The following NEDD1 variants were observed in gnomAD, a reference collection of about 807,000 sequenced individuals.
NEDD1 encodes the protein protein NEDD1.
Under a neutral mutation model 74.0 loss-of-function variants are expected in NEDD1, and 33 were observed. The ratio of observed to expected loss-of-function variants is 0.45; its 90% CI spans 0.34 to 0.60. The LOEUF (loss-of-function observed/expected upper bound fraction) is 0.60. NEDD1 is among the 20% of genes least tolerant of loss of function. The pLI, the probability that NEDD1 is intolerant of heterozygous loss-of-function variation, is 0.01. For synonymous variants in NEDD1, 250 were observed against 264.4 expected (o/e 0.95, Z 0.53); for missense variants, 746 against 776.5 (o/e 0.96, Z 0.47).
At chr12:96,908,159 C>G (rs1873524082) in intron 2 of NEDD1, among the ~76,000 whole-genome samples, 1 of 152,174 alleles carries the variant, frequency 6.6e-6, no homozygotes, top group Admixed American at 6.5e-5. Flanking sequence ...GGCTCCAAAT[C>G]CAAACATTGT....
At chr12:96,916,467 C>A (rs1426352566) in intron 4 of NEDD1, among the ~76,000 whole-genome samples, 2 of 124,056 alleles carry the variant, frequency 1.6e-5, no homozygotes, top group African/African-American at 6.2e-5. Context: ...CATGTGATCT[C>A]ATTGTTCAAT....
intron 4 of NEDD1, 23 bp from the exon 5 acceptor site, chr12:96,917,598 C>CT (rs11333833): frequency 9.8e-3 from 13,147 of 1,339,728 alleles, no homozygotes; most frequent in South Asian, 0.026. Flanking sequence ...ATTAAGGTAA[C>CT]TTTTTTTTTT....
intron 3 of NEDD1, among the ~76,000 whole-genome samples, chr12:96,911,758 A>C (rs776147226): frequency 4.6e-5 from 7 of 152,104 alleles, no homozygotes; most frequent in Non-Finnish European, 1.0e-4. Flanking sequence ...TTTTCTCGCT[A>C]TGGTAATATC....
At position 96,940,093 on chromosome 12, in the gene NEDD1, A is replaced by G. The variant is rs180797463; in HGVS notation, c.1118-316A>G. ...GTACTTTAAGAGAGCAGCAAAGTAT[A>G]TAAATTATTTTAGAAAAATTCCAAC... is the stretch of plus-strand genomic sequence containing the variant. On this transcript the variant is annotated intron_variant, in intron 9 of 15. Coordinates refer to ENST00000266742, the MANE Select transcript of NEDD1 (RefSeq NM_152905.4). Among the ~76,000 whole-genome samples, 26 of 152,216 alleles carry G rather than the reference A, an allele frequency of 1.7e-4. No individual in the cohort carries two copies. The East Asian group carries it at 4.6e-3, about 27-fold the overall frequency.
rs1317849282 is a variant in NEDD1 at position 96,944,509 on chromosome 12, TC to T, written c.1498-129del. On this transcript the variant is annotated intron_variant, in intron 12 of 15. Coordinates refer to ENST00000266742, the MANE Select transcript of NEDD1 (RefSeq NM_152905.4). ...CTCTTTTTCTTTTTCTTCTTCTATATCTCTTCCTATTTTCCTTCATTTCTAT... is the reference window on the plus strand; with the variant it reads ...CTCTTTTTCTTTTTCTTCTTCTATATTCTTCCTATTTTCCTTCATTTCTAT... The T allele has an allele frequency of 3.4e-5, 17 of 502,848 alleles. No homozygotes were observed. The East Asian group carries it at 5.5e-4, about 16-fold the overall frequency. 31.1% of individuals were successfully genotyped at this position (502,848 alleles called of 1,614,324 possible). A position where few individuals can be genotyped will look rare whatever the true frequency, so the allele number is the denominator to read the frequency against.
At position 96,909,749 on chromosome 12, in the gene NEDD1, T is replaced by C. The variant is rs1207616874; in HGVS notation, c.-8-3T>C. 2 of 1,606,552 alleles carry C rather than the reference T, an allele frequency of 1.2e-6. No homozygotes were observed. The highest frequency in any genetic ancestry group is 1.7e-6 in the Non-Finnish European group (2 of 1,175,914). On this transcript the variant is annotated splice_region_variant and splice_polypyrimidine_tract_variant and intron_variant, in intron 2 of 15. Coordinates refer to ENST00000266742, the MANE Select transcript of NEDD1 (RefSeq NM_152905.4). ...AAAATACATTGTTTTAAACTATTTGTAGGCGCAGTCATGCAGGAAAACCTC... is the reference window on the plus strand; with the variant it reads ...AAAATACATTGTTTTAAACTATTTGCAGGCGCAGTCATGCAGGAAAACCTC...
At chr12:96,937,706 A>T (rs568441684) in intron 9 of NEDD1, among the ~76,000 whole-genome samples, 1 of 152,264 alleles carries the variant, frequency 6.6e-6, no homozygotes, top group South Asian at 2.1e-4. Context: ...ATGGCTTTTC[A>T]TTGTGTCTTC....
At chr12:96,924,320 A>G (rs1875454460) in intron 6 of NEDD1, among the ~76,000 whole-genome samples, 1 of 152,192 alleles carries the variant, frequency 6.6e-6, no homozygotes, top group African/African-American at 2.4e-5. Context: ...TTCTAGCTGA[A>G]TTTTAGAATC....
At chr12:96,937,789 G>A (rs886196448) in intron 9 of NEDD1, among the ~76,000 whole-genome samples, 3 of 152,006 alleles carry the variant, frequency 2.0e-5, no homozygotes, top group African/African-American at 7.2e-5. Flanking sequence ...AAATAAATGA[G>A]AATGTTGCAA....
chr12:96,914,745 TTTA>T (rs1874268593), intron 4 of NEDD1, among the ~76,000 whole-genome samples: 1 of 152,230 alleles, frequency 6.6e-6, no homozygotes, highest in Admixed American at 6.5e-5. Flanking sequence ...ATTTCACCTC[TTTA>T]AAGTAGAATG....
At chr12:96,943,028 A>G (rs1484483742) in intron 11 of NEDD1, among the ~76,000 whole-genome samples, 1 of 152,098 alleles carries the variant, frequency 6.6e-6, no homozygotes, top group African/African-American at 2.4e-5. Flanking sequence ...CCCTCTCTTA[A>G]GATTATGTTA....
rs568524969 is a variant in NEDD1 at position 96,919,809 on chromosome 12, G to T, written c.349-176G>T. 3.3e-5 allele frequency among the ~76,000 whole-genome samples: 5 copies of T among 152,084 alleles called. No homozygotes were observed. The South Asian group carries it at 1.0e-3, about 31-fold the overall frequency. ...TACCTGTCCATAATCTCTCTCTCTC[G>T]TAAAGTGCCTGGACCATTTTTATCA... On this transcript the variant is annotated intron_variant, in intron 5 of 15. Transcript: ENST00000266742.
At chr12:96,928,131 GT>G (rs1875913314) in intron 6 of NEDD1, among the ~76,000 whole-genome samples, 2 of 152,002 alleles carry the variant, frequency 1.3e-5, no homozygotes, top group South Asian at 4.1e-4. Flanking sequence ...TTTGAAAGAT[GT>G]TTTCTAACAG....
At chr12:96,928,005 T>C (rs1875900753) in intron 6 of NEDD1, among the ~76,000 whole-genome samples, 1 of 152,200 alleles carries the variant, frequency 6.6e-6, no homozygotes, top group South Asian at 2.1e-4. Context: ...AATATGTTCT[T>C]GAGCAATTTT....
intron 12 of NEDD1, 107 bp downstream of exon 12, chr12:96,943,869 CAT>C (rs1877924349): frequency 1.5e-6 from 1 of 654,124 alleles, no homozygotes; most frequent in East Asian, 2.7e-5. Context: ...TGCACTTATT[CAT>C]AAGTCTTGAT....
intron 3 of NEDD1, among the ~76,000 whole-genome samples, chr12:96,911,411 G>A (rs1249316754): frequency 6.6e-6 from 1 of 152,194 alleles, no homozygotes; most frequent in Non-Finnish European, 1.5e-5. Context: ...ATGAGCAGAT[G>A]TGCACTGAAA....
chr12:96,920,916 G>T (rs1875008939), intron 6 of NEDD1, among the ~76,000 whole-genome samples: 1 of 151,232 alleles, frequency 6.6e-6, no homozygotes, highest in Non-Finnish European at 1.5e-5. Flanking sequence ...AAGCATACAG[G>T]AAAAAGTCTT....
intron 12 of NEDD1, among the ~76,000 whole-genome samples, chr12:96,944,136 AATAT>A (rs1034884932): frequency 6.6e-6 from 1 of 151,606 alleles, no homozygotes; most frequent in Non-Finnish European, 1.5e-5. Flanking sequence ...TTTCTGCTAA[AATAT>A]ATATATATAA....
chr12:96,912,849 A>G (rs979354830), intron 4 of NEDD1, 32 bp downstream of exon 4: 2 of 1,171,060 alleles, frequency 1.7e-6, no homozygotes, highest in Non-Finnish European at 2.5e-6. Flanking sequence ...TAAACTTTTA[A>G]AAATCTTAGT....
Sources: gnomAD v4.1 joint callset for allele counts (sites outside exome capture counted in the v4.1 genomes callset) on GRCh38, gnomAD v4.1.1 for gene constraint, MANE v1.5 for transcripts, NCBI Gene and HGNC (gene_info 2026-07-23, HGNC 2026-07-21) for gene names.